MRTFB: variants seen among roughly 807,000 people sequenced by gnomAD.
The protein encoded by MRTFB is myocardin-related transcription factor B.
In MRTFB, 29 loss-of-function variants were observed where a neutral mutation model predicts 104.2. The ratio of observed to expected loss-of-function variants is 0.28; its 90% CI spans 0.21 to 0.38. The LOEUF (loss-of-function observed/expected upper bound fraction) is 0.38. MRTFB is among the 10% of genes least tolerant of loss of function. The pLI, the probability that MRTFB is intolerant of heterozygous loss-of-function variation, is 1.00. For missense variants in MRTFB, 1,270 were observed against 1,341.6 expected (o/e 0.95, Z 0.83); for synonymous variants, 535 against 519.5 (o/e 1.03, Z -0.41).
chr16:14,043,042 A>G, the MRTFB span, among the ~76,000 whole-genome samples: 2 of 152,210 alleles, frequency 1.3e-5, no homozygotes, highest in African/African-American at 2.4e-5. Flanking sequence ...AGGCCCGCAA[A>G]GGAACGGGTC....
At chr16:14,249,749 G>GA (rs2043176067) in intron 13 of MRTFB, among the ~76,000 whole-genome samples, 1 of 152,232 alleles carries the variant, frequency 6.6e-6, no homozygotes, top group East Asian at 1.9e-4. Context: ...CTCCTTGCCA[G>GA]AAAAATCTTA....
chr16:14,235,866 G>A (rs761545461), intron 9 of MRTFB, among the ~76,000 whole-genome samples: 3 of 152,290 alleles, frequency 2.0e-5, no homozygotes, highest in Middle Eastern at 3.4e-3. Flanking sequence ...TCATTCTTAT[G>A]ATCAGTTTTA....
chr16:13,998,871 CAAAAAAAAAAAAAAAAAAAA>C, the MRTFB span, among the ~76,000 whole-genome samples: 28 of 29,686 alleles, frequency 9.4e-4, 1 homozygote, highest in South Asian at 6.1e-3. Flanking sequence ...GACTCTGTTT[CAAAAAAAAAAAAAAAAAAAA>C]AAAAAAAAAA....
At chr16:14,260,489 C>G (rs997787500) in intron 16 of MRTFB, among the ~76,000 whole-genome samples, 5 of 151,942 alleles carry the variant, frequency 3.3e-5, no homozygotes, top group African/African-American at 1.2e-4. Context: ...TAGATAGATT[C>G]ATAGGATGAT....
Position 14,245,775 on chromosome 16 carries a change from CAA to C in MRTFB, c.1212+116_1212+117del. 5 of 1,137,208 alleles carry C rather than the reference CAA, an allele frequency of 4.4e-6. 1 individual carries two copies. The South Asian group carries it at 8.6e-5, about 20-fold the overall frequency. 70.4% of individuals were successfully genotyped at this position (1,137,208 alleles called of 1,614,324 possible). ...TTCAGTAGACATTCAACTTTACCAA[CAA>C]TATGATAATCTTTATAAAAGGTATT... On this transcript the variant is annotated intron_variant, in intron 11 of 16. Transcript: ENST00000571589.
the MRTFB span, among the ~76,000 whole-genome samples, chr16:14,022,168 G>C: frequency 6.6e-6 from 1 of 152,152 alleles, no homozygotes; most frequent in African/African-American, 2.4e-5. Context: ...ATCACTTACA[G>C]GTTCCAGAGG....
chr16:14,074,716 A>T (rs60788707), intron 1 of MRTFB, among the ~76,000 whole-genome samples: 35,558 of 152,166 alleles, frequency 0.23, 7,894 homozygotes, highest in African/African-American at 0.57. Context: ...ATGATTAATG[A>T]TTAACACCAA....
chr16:14,240,606 T>G, intron 10 of MRTFB, 122 bp downstream of exon 10: 1 of 1,509,952 alleles, frequency 6.6e-7, no homozygotes, highest in South Asian at 1.1e-5. Flanking sequence ...TTCATTTCTT[T>G]GTTATCAGAG....
the MRTFB span, among the ~76,000 whole-genome samples, chr16:14,044,938 G>A: frequency 6.6e-6 from 1 of 152,234 alleles, no homozygotes; most frequent in African/African-American, 2.4e-5. Flanking sequence ...GACAGCTGGT[G>A]GTCAACTTAG....
At chr16:14,206,658 C>T (rs2040956666) in intron 3 of MRTFB, among the ~76,000 whole-genome samples, 2 of 152,158 alleles carry the variant, frequency 1.3e-5, no homozygotes, top group South Asian at 2.1e-4. Flanking sequence ...TCTTCTGCCT[C>T]AGCCTGCTGA....
chr16:14,077,330 A>C (rs74509126), intron 1 of MRTFB, among the ~76,000 whole-genome samples: 1 of 152,258 alleles, frequency 6.6e-6, no homozygotes, highest in East Asian at 1.9e-4. Flanking sequence ...GCCACCAGTT[A>C]TCTTTACCGA....
intron 3 of MRTFB, among the ~76,000 whole-genome samples, chr16:14,188,835 T>C (rs796244051): frequency 2.4e-4 from 36 of 152,308 alleles, no homozygotes; most frequent in African/African-American, 8.4e-4. Context: ...TTCTTTTTCC[T>C]TCTGTTTAAA....
At chr16:14,078,813 TAATAA>T (rs761329876) in intron 1 of MRTFB, among the ~76,000 whole-genome samples, 1 of 140,762 alleles carries the variant, frequency 7.1e-6, no homozygotes, top group Non-Finnish European at 1.5e-5. Flanking sequence ...AATAACATTA[TAATAA>T]AATAGTATTT....
chr16:14,236,327 A>C (rs1187176311), intron 9 of MRTFB, among the ~76,000 whole-genome samples: 1 of 152,252 alleles, frequency 6.6e-6, no homozygotes, highest in Non-Finnish European at 1.5e-5. Flanking sequence ...AGTGCCTGAT[A>C]ATTAAAGTGA....
At position 14,110,732 on chromosome 16, in the gene MRTFB, C is replaced by T. The variant is rs528567730; in HGVS notation, c.-63-29812C>T. Reference sequence around the variant, plus strand: ...TCTTGTCTTTTTCCTTTCTCCTCCTCGCTGCTCCACGTGAGACCAGGCTTT... The same window carrying T: ...TCTTGTCTTTTTCCTTTCTCCTCCTTGCTGCTCCACGTGAGACCAGGCTTT... On this transcript the variant is annotated intron_variant, in intron 2 of 16. Coordinates refer to ENST00000571589, the MANE Select transcript of MRTFB (RefSeq NM_001308142.2). 5.9e-5 allele frequency among the ~76,000 whole-genome samples: 9 copies of T among 152,250 alleles called. No homozygotes were observed. In the East Asian group the frequency reaches 1.2e-3, roughly 20 times the overall value.
intron 16 of MRTFB, among the ~76,000 whole-genome samples, chr16:14,259,073 G>A (rs1168595985): frequency 2.0e-5 from 2 of 100,296 alleles, no homozygotes; most frequent in African/African-American, 7.7e-5. Context: ...ATAGAGAATT[G>A]ATATTTGACT....
Position 14,181,590 on chromosome 16 carries a change from G to A in MRTFB, c.155-28653G>A, listed in dbSNP as rs1008247935. 7.9e-5 allele frequency among the ~76,000 whole-genome samples: 12 copies of A among 152,226 alleles called. No homozygotes were observed. The South Asian group carries it at 1.2e-3, about 16-fold the overall frequency. ...GTCAAGAATGCTACCAGAAAAGTAT[G>A]CCTCAATATTTACCCATCTCTTTGC... On this transcript the variant is annotated intron_variant, in intron 3 of 16. Transcript: ENST00000571589.
intron 8 of MRTFB, among the ~76,000 whole-genome samples, chr16:14,222,336 CAGGCTGCATGCGGCCCAG>C (rs2041764100): frequency 6.6e-6 from 1 of 152,192 alleles, no homozygotes. Flanking sequence ...CTACAGCCCA[CAGGCTGCATGCGGCCCAG>C]GACAGCTTTG....
chr16:14,091,103 A>G (rs1328712150), intron 2 of MRTFB, among the ~76,000 whole-genome samples: 1 of 152,064 alleles, frequency 6.6e-6, no homozygotes, highest in Non-Finnish European at 1.5e-5. Flanking sequence ...TAGTTACTAT[A>G]CCATGGATGC....
Sources: allele counts gnomAD v4.1 joint callset (sites outside exome capture counted in the v4.1 genomes callset), GRCh38; gene constraint gnomAD v4.1.1; transcripts MANE v1.5; gene names NCBI Gene and HGNC (gene_info 2026-07-23, HGNC 2026-07-21).